Variants in NLGN1 observed in about 807,000 individuals in gnomAD.
The protein encoded by NLGN1 is neuroligin 1.
In NLGN1, 12 loss-of-function variants were observed where a neutral mutation model predicts 65.5. The observed-to-expected ratio is 0.18, with a 90% CI of 0.12 to 0.30. The LOEUF (loss-of-function observed/expected upper bound fraction) is 0.30. Among genes scored for constraint, NLGN1 ranks in the 10% least tolerant of loss-of-function variants. NLGN1 has a pLI of 1.00. For synonymous variants in NLGN1, 350 were observed against 359.5 expected (o/e 0.97, Z 0.30); for missense variants, 750 against 1,007.1 (o/e 0.74, Z 3.46).
intron 4 of NLGN1, among the ~76,000 whole-genome samples, chr3:174,182,162 T>G (rs575834738): frequency 1.6e-4 from 25 of 152,198 alleles, no homozygotes; most frequent in Non-Finnish European, 3.1e-4. Context: ...AATATATTTT[T>G]TATTATTTCC....
chr3:173,632,837 GTTT>G (rs59210572), intron 3 of NLGN1, among the ~76,000 whole-genome samples: 30 of 117,806 alleles, frequency 2.5e-4, no homozygotes, highest in African/African-American at 9.1e-4. Flanking sequence ...CTTGAGTAGT[GTTT>G]TTTTTTTTGT....
intron 4 of NLGN1, among the ~76,000 whole-genome samples, chr3:174,226,722 C>A (rs1311804057): frequency 6.6e-6 from 1 of 151,798 alleles, no homozygotes. Context: ...GGGTTATATA[C>A]CATCCACTAA....
intron 2 of NLGN1, among the ~76,000 whole-genome samples, chr3:173,587,642 T>G (rs1295353002): frequency 6.6e-6 from 1 of 152,188 alleles, no homozygotes; most frequent in Non-Finnish European, 1.5e-5. Context: ...TTGTGAATTT[T>G]CTATCAGAGT....
intron 4 of NLGN1, among the ~76,000 whole-genome samples, chr3:173,987,030 A>T (rs761080569): frequency 1.1e-4 from 16 of 152,214 alleles, no homozygotes; most frequent in Non-Finnish European, 1.6e-4. Flanking sequence ...AGGCAATGAA[A>T]TTACTTTGAA....
At chr3:174,013,514 A>G (rs534701593) in intron 4 of NLGN1, among the ~76,000 whole-genome samples, 3 of 152,364 alleles carry the variant, frequency 2.0e-5, no homozygotes, top group African/African-American at 2.4e-5. Context: ...ATCAAATTCA[A>G]TAATACAATG....
chr3:174,220,483 A>G (rs1738433770), intron 4 of NLGN1, among the ~76,000 whole-genome samples: 1 of 152,170 alleles, frequency 6.6e-6, no homozygotes, highest in South Asian at 2.1e-4. Context: ...ATTTCCTGAC[A>G]AAGATATTCT....
chr3:174,052,306 T>C (rs961028301), intron 4 of NLGN1, among the ~76,000 whole-genome samples: 2 of 152,066 alleles, frequency 1.3e-5, no homozygotes, highest in Admixed American at 6.6e-5. Flanking sequence ...GCCCTTTTGA[T>C]AGCATGTTCT....
At chr3:174,081,791 G>A (rs766630460) in intron 4 of NLGN1, among the ~76,000 whole-genome samples, 2 of 151,914 alleles carry the variant, frequency 1.3e-5, no homozygotes, top group Admixed American at 6.6e-5. Context: ...GGCTGGTCTC[G>A]AACTCCCGAT....
chr3:173,717,631 T>C lies in NLGN1; in HGVS notation c.494-90049T>C, dbSNP rs143949035. Among the ~76,000 whole-genome samples the C allele has an allele frequency of 7.4e-4, 113 of 152,286 alleles. 2 individuals carry two copies. In the East Asian group the frequency reaches 0.021, roughly 28 times the overall value. ...ATAATTGATGACAATTTATTGAATATCTACTGTGTATGGAATATATATAAT... is the reference window on the plus strand; with the variant it reads ...ATAATTGATGACAATTTATTGAATACCTACTGTGTATGGAATATATATAAT... On this transcript the variant is annotated intron_variant, in intron 3 of 6. Coordinates refer to ENST00000457714, the Ensembl canonical transcript of NLGN1.
chr3:173,542,494 C>T (rs545903615), intron 2 of NLGN1, among the ~76,000 whole-genome samples: 38 of 152,096 alleles, frequency 2.5e-4, no homozygotes, highest in Non-Finnish European at 3.5e-4. Flanking sequence ...TTCCTAGAAG[C>T]GCTGTAGATA....
At chr3:173,635,534 T>C (rs1486378277) in intron 3 of NLGN1, among the ~76,000 whole-genome samples, 1 of 152,208 alleles carries the variant, frequency 6.6e-6, no homozygotes, top group Non-Finnish European at 1.5e-5. Context: ...TATACTGTCT[T>C]AACTGTATTT....
chr3:173,498,896 G>C (rs985919537), intron 2 of NLGN1, among the ~76,000 whole-genome samples: 5 of 151,530 alleles, frequency 3.3e-5, no homozygotes, highest in Non-Finnish European at 5.9e-5. Flanking sequence ...CTTTTTGATG[G>C]GGTTGTTTGT....
intron 2 of NLGN1, among the ~76,000 whole-genome samples, chr3:173,553,461 A>G (rs570410039): frequency 6.6e-6 from 1 of 152,144 alleles, no homozygotes; most frequent in Admixed American, 6.6e-5. Flanking sequence ...GTGTAAGTGC[A>G]ATGCTTTTTC....
intron 2 of NLGN1, among the ~76,000 whole-genome samples, chr3:173,595,717 A>G (rs889261381): frequency 1.3e-5 from 2 of 152,202 alleles, no homozygotes; most frequent in South Asian, 2.1e-4. Flanking sequence ...ATTTAACTGG[A>G]CTTACAGTTC....
intron 3 of NLGN1, among the ~76,000 whole-genome samples, chr3:173,659,623 TA>T: frequency 6.6e-6 from 1 of 151,878 alleles, no homozygotes; most frequent in East Asian, 1.9e-4. Flanking sequence ...TTGGGTTTAT[TA>T]TATATATATG....
intron 4 of NLGN1, among the ~76,000 whole-genome samples, chr3:174,272,665 GGATAGATAGATAGATA>G (rs779724767): frequency 2.9e-3 from 337 of 116,654 alleles, no homozygotes; most frequent in Middle Eastern, 0.023. Flanking sequence ...ATGGATGGAT[GGATAGATAGATAGATA>G]GATAGATAGA....
At chr3:174,108,487 A>G (rs1714470720) in intron 4 of NLGN1, among the ~76,000 whole-genome samples, 1 of 152,022 alleles carries the variant, frequency 6.6e-6, no homozygotes, top group Non-Finnish European at 1.5e-5. Context: ...CATTGTTAGA[A>G]AAAGCTAAGC....
At chr3:173,730,322 T>TCCCCCC (rs36078122) in intron 3 of NLGN1, among the ~76,000 whole-genome samples, 1 of 28,910 alleles carries the variant, frequency 3.5e-5, no homozygotes, top group African/African-American at 1.1e-4. Flanking sequence ...GCCCCACCGC[T>TCCCCCC]CCCCCCCCCC....
chr3:173,665,222 G>T (rs1048237096), intron 3 of NLGN1, among the ~76,000 whole-genome samples: 7 of 152,054 alleles, frequency 4.6e-5, no homozygotes, highest in African/African-American at 1.7e-4. Context: ...CCTCCAAGTT[G>T]CTCTCATGAC....
Sources: gnomAD v4.1 joint callset for allele counts (sites outside exome capture counted in the v4.1 genomes callset) on GRCh38, gnomAD v4.1.1 for gene constraint, MANE v1.5 for transcripts, NCBI Gene and HGNC (gene_info 2026-07-23, HGNC 2026-07-21) for gene names.